Variants in TP73 observed in about 807,000 individuals in gnomAD.
The protein encoded by TP73 is tumor protein p73, also known as p53-like transcription factor.
TP73 carries 25 observed loss-of-function variants against 62.5 expected under a neutral mutation model. That is an observed-to-expected ratio of 0.40 (90% confidence interval 0.29 to 0.56). TP73 has a LOEUF of 0.56. TP73 is among the 20% of genes least tolerant of loss of function. The pLI, the probability that TP73 is intolerant of heterozygous loss-of-function variation, is 0.46. For missense variants in TP73, 754 were observed against 913.3 expected, an observed-to-expected ratio of 0.83 and a Z score of 2.25; for synonymous variants, 423 against 377.5, an observed-to-expected ratio of 1.12 and a Z score of -1.40.
intron 2 of TP73, 81 bp from the exon 3 acceptor site, chr1:3,682,979 C>G: frequency 6.6e-7 from 1 of 1,525,790 alleles, no homozygotes; most frequent in Non-Finnish European, 8.9e-7. Context: ...CTCAGGCTAG[C>G]CTTGAGCTCT....
intron 3 of TP73, among the ~76,000 whole-genome samples, chr1:3,704,159 C>T (rs1185395103): frequency 1.3e-5 from 2 of 152,230 alleles, no homozygotes; most frequent in Non-Finnish European, 2.9e-5. Context: ...CTGAGGGTGT[C>T]GGCTCCGAGC....
Position 3,733,413 on chromosome 1 carries a change from C to T in TP73, c.*334C>T, listed in dbSNP as rs946905688. ...GGGACCGCAGCGTCGGCTCCGACTT[C>T]CAGGCTTCATCCTAGAGACTGTCAT... On this transcript the variant is annotated 3_prime_UTR_variant, in exon 14 of 14. Coordinates refer to ENST00000378295, the MANE Select transcript of TP73 (RefSeq NM_005427.4). 2.5e-6 allele frequency: 1 copy of T among 398,070 alleles called. No homozygotes were observed. The highest frequency in any genetic ancestry group is 4.6e-6 in the Non-Finnish European group (1 of 217,440). 24.7% of individuals were successfully genotyped at this position (398,070 alleles called of 1,614,324 possible).
chr1:3,653,362 T>C (rs1378699142), intron 1 of TP73, among the ~76,000 whole-genome samples: 1 of 152,220 alleles, frequency 6.6e-6, no homozygotes. Context: ...GGCCGCCTCC[T>C]CCTGCAGCCC....
chr1:3,729,030 C>A (rs144641911), intron 9 of TP73, among the ~76,000 whole-genome samples: 233 of 152,084 alleles, frequency 1.5e-3, no homozygotes, highest in African/African-American at 5.0e-3. Flanking sequence ...GAGAGACAGA[C>A]TTGGTTTCTA....
chr1:3,653,066 C>T (rs897906164), intron 1 of TP73, among the ~76,000 whole-genome samples: 1 of 152,246 alleles, frequency 6.6e-6, no homozygotes, highest in Non-Finnish European at 1.5e-5. Context: ...CCCGCGCGCT[C>T]CCTCCGACCT....
intron 1 of TP73, among the ~76,000 whole-genome samples, chr1:3,657,433 G>A (rs1382990300): frequency 6.6e-6 from 1 of 152,096 alleles, no homozygotes; most frequent in Non-Finnish European, 1.5e-5. Flanking sequence ...GGCCCACCTG[G>A]AAAATCCAGA....
chr1:3,670,045 C>A lies in TP73; in HGVS notation c.-33-12288C>A, dbSNP rs528611624. On this transcript the variant is annotated intron_variant, in intron 1 of 13. Coordinates refer to ENST00000378295, the MANE Select transcript of TP73 (RefSeq NM_005427.4). This position sits in a 1 kb window ranked among gnomAD's most constrained non-coding sequence, Gnocchi z 5.9. ...GGCCAGGGCCTCTGGATCCTGTTCC[C>A]TTGGCTCTTTGCAAAGTCTCCAGCC... 1.3e-5 allele frequency among the ~76,000 whole-genome samples: 2 copies of A among 152,124 alleles called. No individual in the cohort carries two copies. The highest frequency in any genetic ancestry group is 4.8e-5 in the African/African-American group (2 of 41,504).
chr1:3,708,316 A>C, intron 4 of TP73: 2 of 166,682 alleles, frequency 1.2e-5, no homozygotes, highest in Admixed American at 5.7e-5. Context: ...GGGTGGAACC[A>C]CCGTGCCAAG....
chr1:3,688,715 T>G (rs1322398028), intron 3 of TP73, among the ~76,000 whole-genome samples: 1 of 152,134 alleles, frequency 6.6e-6, no homozygotes, highest in Non-Finnish European at 1.5e-5. Flanking sequence ...GGCCAGTGGT[T>G]TTGGGTGCTT....
rs547271448 is a variant in TP73 at position 3,699,220 on chromosome 1, C to T, written c.187-8329C>T. On this transcript the variant is annotated intron_variant, in intron 3 of 13. Transcript: ENST00000378295. The surrounding 1 kb of genome is among the most constrained non-coding windows in gnomAD (Gnocchi z 4.1). The stretch of plus-strand genomic sequence containing the variant: ...CTCCGGGAGATGCTGTGGGAAGTAC[C>T]GGCAGGACGGAGGTCTTGCCCTGGT... Among the ~76,000 whole-genome samples, 3 of 152,216 alleles carry T rather than the reference C, an allele frequency of 2.0e-5. No homozygotes were observed. The highest frequency in any genetic ancestry group is 4.1e-4 in the South Asian group (2 of 4,828).
intron 5 of TP73, among the ~76,000 whole-genome samples, chr1:3,722,954 C>G (rs111851638): frequency 3.3e-4 from 47 of 143,168 alleles, no homozygotes; most frequent in Middle Eastern, 8.5e-3. Flanking sequence ...GGACACCTCT[C>G]TGTGCCTGGC....
chr1:3,681,186 G>A (rs966106820), intron 1 of TP73, among the ~76,000 whole-genome samples: 10 of 152,196 alleles, frequency 6.6e-5, no homozygotes, highest in Admixed American at 2.0e-4. Flanking sequence ...GGACAAAAAC[G>A]ACAGGTTCCA....
chr1:3,683,632 GCCGCATCTC>G (rs778779981), intron 3 of TP73, among the ~76,000 whole-genome samples: 4 of 152,196 alleles, frequency 2.6e-5, no homozygotes, highest in Non-Finnish European at 4.4e-5. Flanking sequence ...TTGTTTTTAG[GCCGCATCTC>G]CTCTCATGGT....
At chr1:3,714,069 G>A (rs1044427598) in intron 4 of TP73, 5 of 152,184 alleles carry the variant, frequency 3.3e-5, no homozygotes, top group Admixed American at 6.5e-5. Context: ...CCTGGCGTTG[G>A]GGAGACACCA....
chr1:3,714,524 G>A (rs1049407622), intron 4 of TP73, among the ~76,000 whole-genome samples: 8 of 152,250 alleles, frequency 5.3e-5, no homozygotes, highest in African/African-American at 1.9e-4. Context: ...AGTGAGCAGA[G>A]CAGGCCTGTT....
Position 3,672,921 on chromosome 1 carries a change from C to T in TP73, c.-33-9412C>T, listed in dbSNP as rs1463026255. On this transcript the variant is annotated intron_variant, in intron 1 of 13. Coordinates refer to ENST00000378295, the MANE Select transcript of TP73 (RefSeq NM_005427.4). The surrounding 1 kb of genome is among the most constrained non-coding windows in gnomAD (Gnocchi z 5.3). ...CCAAACCCTCCTGACCCGCTTACCCCCAGGAGCACCGCCCACTCCAAGGCG... is the reference window on the plus strand; with the variant it reads ...CCAAACCCTCCTGACCCGCTTACCCTCAGGAGCACCGCCCACTCCAAGGCG... Among the ~76,000 whole-genome samples the T allele has an allele frequency of 6.6e-6, 1 of 152,206 alleles. No homozygotes were observed. The highest frequency in any genetic ancestry group is 2.4e-5 in the African/African-American group (1 of 41,466).
chr1:3,714,201 AG>A (rs1201801336), intron 4 of TP73: 2 of 152,266 alleles, frequency 1.3e-5, no homozygotes, highest in African/African-American at 2.4e-5. Flanking sequence ...AAAGCTGAAG[AG>A]GGACCACCCC....
At chr1:3,721,999 C>T (rs370755500) in intron 4 of TP73, 22 bp from the exon 5 acceptor site, 18 of 1,586,900 alleles carry the variant, frequency 1.1e-5, no homozygotes, top group African/African-American at 2.7e-5. Flanking sequence ...TGGTCTCACC[C>T]GCTCCCTCTC....
intron 1 of TP73, among the ~76,000 whole-genome samples, chr1:3,665,759 A>G (rs1645097806): frequency 7.1e-6 from 1 of 140,464 alleles, no homozygotes; most frequent in South Asian, 2.4e-4. Flanking sequence ...GGTTCAAGCG[A>G]TTCTCCTGCC....
Sources: allele counts gnomAD v4.1 joint callset (sites outside exome capture counted in the v4.1 genomes callset), GRCh38; gene constraint gnomAD v4.1.1; non-coding constraint Gnocchi (gnomAD v3.1); transcripts MANE v1.5; gene names NCBI Gene and HGNC (gene_info 2026-07-23, HGNC 2026-07-21).